Variants in LMCD1 observed in about 807,000 individuals in gnomAD.
LMCD1 encodes LIM and cysteine rich domains 1, also known as LIM and cysteine-rich domains protein 1.
LMCD1 carries 32 observed loss-of-function variants against 42.7 expected under a neutral mutation model. That is an observed-to-expected ratio of 0.75 (90% CI 0.57 to 1.01). The LOEUF (loss-of-function observed/expected upper bound fraction) is 1.01. Ranked by LOEUF, LMCD1 falls within the 50% of genes least tolerant of loss-of-function variation. LMCD1 has a pLI of 0.00. For missense variants in LMCD1, 458 were observed against 483.1 expected, an observed-to-expected ratio of 0.95 and a Z score of 0.49; for synonymous variants, 178 against 184.9, an observed-to-expected ratio of 0.96 and a Z score of 0.30.
At chr3:8,534,272 C>G (rs745809430) in intron 2 of LMCD1, among the ~76,000 whole-genome samples, 47 of 151,864 alleles carry the variant, frequency 3.1e-4, no homozygotes, top group Non-Finnish European at 5.3e-4. Flanking sequence ...TCCCTGCTGT[C>G]CAACATCTGA....
In LMCD1 at chr3:8,509,159, G is replaced by A. The variant is rs73810478; in HGVS notation, c.42+7179G>A. Among the ~76,000 whole-genome samples, 1,507 of 152,260 alleles carry A rather than the reference G, an allele frequency of 9.9e-3. 24 individuals carry two copies. The highest frequency in any genetic ancestry group is 0.034 in the African/African-American group (1,405 of 41,532). On this transcript the variant is annotated intron_variant, in intron 1 of 5. Transcript: ENST00000157600. The stretch of plus-strand genomic sequence containing the variant: ...CCCTTGATAAACATTTCCTCCTGCT[G>A]TTATGGATACCCCCTCTCATCAGCA...
At chr3:8,510,004 G>A (rs1344755093) in intron 1 of LMCD1, among the ~76,000 whole-genome samples, 1 of 152,224 alleles carries the variant, frequency 6.6e-6, no homozygotes, top group Non-Finnish European at 1.5e-5. Context: ...GCAGCTGAAT[G>A]TTTGGGTTGT....
At chr3:8,565,156 G>C (rs1695104114) in intron 4 of LMCD1, among the ~76,000 whole-genome samples, 1 of 152,048 alleles carries the variant, frequency 6.6e-6, no homozygotes, top group Non-Finnish European at 1.5e-5. Context: ...ACTCTGTAGG[G>C]GTCTTGATAA....
At chr3:8,543,468 CAGACAGAT>C in intron 3 of LMCD1, among the ~76,000 whole-genome samples, 2 of 152,162 alleles carry the variant, frequency 1.3e-5, no homozygotes. Context: ...GATAGACAGA[CAGACAGAT>C]AGACAGACAG....
intron 4 of LMCD1, among the ~76,000 whole-genome samples, chr3:8,562,097 C>A (rs1695048478): frequency 6.6e-6 from 1 of 152,168 alleles, no homozygotes; most frequent in African/African-American, 2.4e-5. Flanking sequence ...GAACTTCTCC[C>A]AGGCACACTC....
chr3:8,509,881 C>T (rs992040977), intron 1 of LMCD1, among the ~76,000 whole-genome samples: 9 of 152,202 alleles, frequency 5.9e-5, no homozygotes, highest in Non-Finnish European at 1.2e-4. Flanking sequence ...GAGGCTGAGG[C>T]AAGGGGGACT....
Position 8,501,930 on chromosome 3 carries a change from C to A in LMCD1, c.-9C>A, listed in dbSNP as rs1429198739. The A allele has an allele frequency of 1.3e-6, 2 of 1,590,342 alleles. No homozygotes were observed. Among genetic ancestry groups the A allele is most frequent in the East Asian group, 2.4e-5 (1 of 41,712 alleles). On this transcript the variant is annotated 5_prime_UTR_variant, in exon 1 of 6. Coordinates refer to ENST00000157600, the MANE Select transcript of LMCD1 (RefSeq NM_014583.4). ...GAAGCCAGGCGCTGTTCCCCCACCC[C>A]AGAAGAGGATGGCAAAGGTGGCTAA... is the stretch of plus-strand genomic sequence containing the variant.
At chr3:8,559,734 C>T (rs780928497) in intron 4 of LMCD1, among the ~76,000 whole-genome samples, 1 of 152,210 alleles carries the variant, frequency 6.6e-6, no homozygotes, top group Admixed American at 6.5e-5. Flanking sequence ...TCCAGGACAA[C>T]CTCAGGTCTC....
chr3:8,550,381 G>A, intron 4 of LMCD1: 4 of 985,138 alleles, frequency 4.1e-6, no homozygotes, highest in Non-Finnish European at 4.8e-6. Context: ...TGCTGAACAG[G>A]CTGGCAGTCA....
At chr3:8,545,104 C>T (rs1379051864) in intron 3 of LMCD1, among the ~76,000 whole-genome samples, 1 of 152,112 alleles carries the variant, frequency 6.6e-6, no homozygotes. Flanking sequence ...GAGACCTTGT[C>T]GATTCTACTA....
chr3:8,503,457 A>G (rs1693808822), intron 1 of LMCD1, among the ~76,000 whole-genome samples: 1 of 152,252 alleles, frequency 6.6e-6, no homozygotes, highest in South Asian at 2.1e-4. Flanking sequence ...CCCCTCCTAC[A>G]GAAATTACCA....
In LMCD1 at chr3:8,567,520, G is replaced by C. The variant is rs906915086; in HGVS notation, c.1020G>C (p.Gln340His). Reference sequence around the variant, plus strand: ...ACTTTGTCTGTGAGGGTTGTGAGCAGCTGCTGAGCGGCCGGGCGTACATCG... The same window carrying C: ...ACTTTGTCTGTGAGGGTTGTGAGCACCTGCTGAGCGGCCGGGCGTACATCG... ...RKHFVCEGCE[Q>H]LLSGRAYIVT... is the part of the protein sequence containing the mutation. The change falls in exon 6 of 6, where the codon CAG becomes CAC. Residue 340 changes from glutamine (Q) to histidine (H), a missense_variant. Gln to His is a conservative substitution (Grantham distance 24). Coordinates refer to ENST00000157600, the MANE Select transcript of LMCD1 (RefSeq NM_014583.4). The C allele has an allele frequency of 3.1e-6, 5 of 1,614,010 alleles. No individual in the cohort carries two copies. The highest frequency in any genetic ancestry group is 1.7e-6 in the Non-Finnish European group (2 of 1,180,014).
chr3:8,538,560 C>T (rs1694554805), intron 3 of LMCD1, among the ~76,000 whole-genome samples: 1 of 152,192 alleles, frequency 6.6e-6, no homozygotes, highest in African/African-American at 2.4e-5. Flanking sequence ...ACTCTGACTT[C>T]CTCCTTCCAG....
chr3:8,532,915 C>T (rs1694439625), intron 2 of LMCD1, 90 bp downstream of exon 2: 1 of 1,060,940 alleles, frequency 9.4e-7, no homozygotes, highest in Non-Finnish European at 1.5e-6. Context: ...GCTGAGACTG[C>T]TTTGGTTGTA....
chr3:8,520,766 A>G (rs532406639), intron 1 of LMCD1, among the ~76,000 whole-genome samples: 22 of 152,346 alleles, frequency 1.4e-4, no homozygotes, highest in Admixed American at 1.2e-3. Context: ...TTTGCCCTAT[A>G]GGAATCCCTT....
Position 8,542,686 on chromosome 3 carries a change from C to T in LMCD1, c.387+5246C>T, listed in dbSNP as rs997218686. Among the ~76,000 whole-genome samples the T allele has an allele frequency of 2.0e-5, 3 of 152,170 alleles. No individual in the cohort carries two copies. The East Asian group carries it at 5.8e-4, about 29-fold the overall frequency. On this transcript the variant is annotated intron_variant, in intron 3 of 5. Coordinates refer to ENST00000157600, the MANE Select transcript of LMCD1 (RefSeq NM_014583.4). ...ATATTTTTCCTCTTGGAAAATCATC[C>T]GTCTTCTAGAGAGGCAGCAGAGAAG...
At chr3:8,550,493 C>G (rs1694821696) in intron 4 of LMCD1, 1 of 984,948 alleles carries the variant, frequency 1.0e-6, no homozygotes, top group African/African-American at 1.8e-5. Context: ...TCAAGCTAAT[C>G]ATCCAAAACC....
At chr3:8,562,462 G>A (rs955553500) in intron 4 of LMCD1, among the ~76,000 whole-genome samples, 3 of 152,188 alleles carry the variant, frequency 2.0e-5, no homozygotes, top group Non-Finnish European at 4.4e-5. Flanking sequence ...AAGGGCGGCA[G>A]TTTGAATCCC....
At chr3:8,551,044 A>G (rs1460294188) in intron 4 of LMCD1, 1 of 985,328 alleles carries the variant, frequency 1.0e-6, no homozygotes, top group Non-Finnish European at 1.2e-6. Flanking sequence ...GGAAAAGGCC[A>G]AAGTCAGAAA....
Sources: allele counts gnomAD v4.1 joint callset (sites outside exome capture counted in the v4.1 genomes callset), GRCh38; gene constraint gnomAD v4.1.1; transcripts MANE v1.5; gene names NCBI Gene and HGNC (gene_info 2026-07-23, HGNC 2026-07-21).